The following RGL1 variants were observed in gnomAD, a reference collection of about 807,000 sequenced individuals.
RGL1 encodes ral guanine nucleotide dissociation stimulator like 1.
In RGL1, 24 loss-of-function variants were observed where a neutral mutation model predicts 95.2. That is an observed-to-expected ratio of 0.25 (90% CI 0.18 to 0.35). The LOEUF (loss-of-function observed/expected upper bound fraction) is 0.35. Ranked by LOEUF, RGL1 falls within the 10% of genes least tolerant of loss-of-function variation. The pLI is 1.00. For synonymous variants in RGL1, 329 were observed against 344.9 expected, an observed-to-expected ratio of 0.95 and a Z score of 0.51; for missense variants, 715 against 936.3, an observed-to-expected ratio of 0.76 and a Z score of 3.08.
intron 2 of RGL1, among the ~76,000 whole-genome samples, chr1:183,793,539 T>C (rs767211175): frequency 1.3e-5 from 2 of 151,628 alleles, no homozygotes; most frequent in Non-Finnish European, 2.9e-5. Context: ...GGGACTAATA[T>C]CCAGAATATA....
chr1:183,904,311 AT>A (rs1224652913), intron 12 of RGL1, among the ~76,000 whole-genome samples: 2 of 152,170 alleles, frequency 1.3e-5, no homozygotes, highest in East Asian at 3.8e-4. Flanking sequence ...TAAACATTCA[AT>A]TTTATGAGAC....
At chr1:183,864,382 CT>C (rs1433359500) in intron 3 of RGL1, among the ~76,000 whole-genome samples, 1 of 152,152 alleles carries the variant, frequency 6.6e-6, no homozygotes, top group Non-Finnish European at 1.5e-5. Flanking sequence ...TTTATGGATC[CT>C]TCTAGTCAGA....
chr1:183,714,213 G>C (rs904222292), intron 1 of RGL1, among the ~76,000 whole-genome samples: 2 of 152,156 alleles, frequency 1.3e-5, no homozygotes, highest in African/African-American at 4.8e-5. Flanking sequence ...ATGCCCCTGT[G>C]ATGTTAACTT....
At chr1:183,756,533 A>G (rs12736382) in intron 2 of RGL1, among the ~76,000 whole-genome samples, 63,107 of 152,020 alleles carry the variant, frequency 0.42, 14,216 homozygotes, top group East Asian at 0.67. Flanking sequence ...GGCTAGTGAC[A>G]TGTTCAGATT....
intron 2 of RGL1, among the ~76,000 whole-genome samples, chr1:183,759,652 A>G (rs997784597): frequency 6.6e-6 from 1 of 152,238 alleles, no homozygotes; most frequent in Non-Finnish European, 1.5e-5. Context: ...CATGGGACAC[A>G]TACCTCTAGT....
At chr1:183,822,483 G>A (rs775385394) in intron 2 of RGL1, among the ~76,000 whole-genome samples, 66 of 152,230 alleles carry the variant, frequency 4.3e-4, no homozygotes, top group Admixed American at 6.5e-4. Flanking sequence ...ATTACCCTAG[G>A]AATTGGCAGA....
intron 3 of RGL1, among the ~76,000 whole-genome samples, chr1:183,851,603 C>G (rs565626693): frequency 7.2e-5 from 11 of 152,242 alleles, no homozygotes; most frequent in African/African-American, 2.4e-4. Flanking sequence ...AAGTAGATAA[C>G]TGCTTGAGAT....
chr1:183,896,341 A>G (rs1667699571), intron 9 of RGL1, among the ~76,000 whole-genome samples: 1 of 152,212 alleles, frequency 6.6e-6, no homozygotes, highest in South Asian at 2.1e-4. Context: ...GCATGCCGCC[A>G]TGTCCAGTAT....
chr1:183,720,739 A>G (rs904723222), intron 1 of RGL1, among the ~76,000 whole-genome samples: 11 of 152,218 alleles, frequency 7.2e-5, no homozygotes, highest in South Asian at 2.1e-4. Context: ...TTTACCTACT[A>G]CCAGGGTAAG....
intron 2 of RGL1, among the ~76,000 whole-genome samples, chr1:183,833,705 T>C (rs997048694): frequency 2.0e-5 from 3 of 152,212 alleles, no homozygotes; most frequent in Admixed American, 1.3e-4. Flanking sequence ...ATTTTTGCAG[T>C]TGAATAGTAC....
At chr1:183,687,043 G>A (rs374733732) in intron 1 of RGL1, among the ~76,000 whole-genome samples, 3 of 152,186 alleles carry the variant, frequency 2.0e-5, no homozygotes, top group East Asian at 3.9e-4. Flanking sequence ...TTCTAACTAC[G>A]TTTCCCTAAC....
intron 2 of RGL1, among the ~76,000 whole-genome samples, chr1:183,793,553 G>A (rs1660538574): frequency 6.6e-6 from 1 of 151,740 alleles, no homozygotes; most frequent in African/African-American, 2.4e-5. Context: ...GAATATATAA[G>A]GAACTCAAAG....
intron 2 of RGL1, among the ~76,000 whole-genome samples, chr1:183,821,134 AAATAATAAT>A (rs56019394): frequency 2.0e-5 from 3 of 150,564 alleles, no homozygotes; most frequent in African/African-American, 7.3e-5. Flanking sequence ...ACTCCGTCTA[AAATAATAAT>A]AATAATAATA....
chr1:183,917,486 C>T (rs1669048046), intron 16 of RGL1, among the ~76,000 whole-genome samples: 1 of 152,224 alleles, frequency 6.6e-6, no homozygotes, highest in Admixed American at 6.5e-5. Context: ...AATTCCACAT[C>T]TCTCCTCATC....
In RGL1 at chr1:183,928,126, T is replaced by A. The variant is rs1018571946; in HGVS notation, c.*1834T>A. ...GTGGCAGCCCTCATGCAGGTTGAAGTATATGTAGCCTCAGCCTGATATTCT... is the reference window on the plus strand; with the variant it reads ...GTGGCAGCCCTCATGCAGGTTGAAGAATATGTAGCCTCAGCCTGATATTCT... On this transcript the variant is annotated 3_prime_UTR_variant, in exon 18 of 18. Transcript: ENST00000360851. 2 of 151,560 alleles carry A rather than the reference T, an allele frequency of 1.3e-5. No individual in the cohort carries two copies. Among genetic ancestry groups the A allele is most frequent in the Non-Finnish European group, 2.9e-5 (2 of 67,868 alleles). The allele number at this position is 151,560 out of a possible 1,614,324, so 9.4% of individuals were successfully genotyped here. A position where few individuals can be genotyped will look rare whatever the true frequency, so the allele number is the denominator to read the frequency against.
At chr1:183,811,832 A>T (rs1661738189) in intron 2 of RGL1, among the ~76,000 whole-genome samples, 1 of 152,234 alleles carries the variant, frequency 6.6e-6, no homozygotes, top group Admixed American at 6.5e-5. Context: ...TAAATATAAG[A>T]GGCACATTAA....
chr1:183,902,255 A>G (rs1668070831), intron 11 of RGL1, among the ~76,000 whole-genome samples: 1 of 152,190 alleles, frequency 6.6e-6, no homozygotes, highest in Non-Finnish European at 1.5e-5. Flanking sequence ...AGTGTAATGG[A>G]ATATTTACTC....
At chr1:183,662,959 G>C (rs1651754481) in intron 1 of RGL1, among the ~76,000 whole-genome samples, 1 of 152,100 alleles carries the variant, frequency 6.6e-6, no homozygotes, top group South Asian at 2.1e-4. Flanking sequence ...TAAGCAATGG[G>C]GAAAGGATTC....
chr1:183,817,809 C>T (rs922635130), intron 2 of RGL1, among the ~76,000 whole-genome samples: 1 of 152,188 alleles, frequency 6.6e-6, no homozygotes. Flanking sequence ...TCAAGGCATG[C>T]GTGTAACACT....
Sources: allele counts gnomAD v4.1 joint callset (sites outside exome capture counted in the v4.1 genomes callset), GRCh38; gene constraint gnomAD v4.1.1; transcripts MANE v1.5; gene names NCBI Gene and HGNC (gene_info 2026-07-23, HGNC 2026-07-21).